Variants in POSTN observed in about 807,000 individuals in gnomAD.
The protein encoded by POSTN is periostin.
In POSTN, 71 loss-of-function variants were observed where a neutral mutation model predicts 104.5. The ratio of observed to expected loss-of-function variants is 0.68; its 90% CI spans 0.56 to 0.83. POSTN has a LOEUF of 0.83. POSTN is among the 40% of genes least tolerant of loss of function. The pLI is 0.00. For missense variants in POSTN, 949 were observed against 1,006.8 expected (o/e 0.94, Z 0.78); for synonymous variants, 355 against 340.7 (o/e 1.04, Z -0.46).
chr13:37,571,010 TTATTA>T, intron 18 of POSTN: 2 of 290,064 alleles, frequency 6.9e-6, no homozygotes. Flanking sequence ...GTGGAGTGGC[TTATTA>T]GACAGAGACT....
chr13:37,582,849 T>C (rs1478823447), intron 9 of POSTN, among the ~76,000 whole-genome samples: 1 of 152,184 alleles, frequency 6.6e-6, no homozygotes, highest in Non-Finnish European at 1.5e-5. Flanking sequence ...TAATTAGATA[T>C]CTGTTAGTCA....
chr13:37,570,754 T>C (rs2138183512), intron 18 of POSTN, 85 bp from the exon 19 acceptor site: 1 of 840,204 alleles, frequency 1.2e-6, no homozygotes, highest in African/African-American at 1.7e-5. Context: ...AATGATTAAC[T>C]ATATTTCTAC....
Position 37,569,354 on chromosome 13 carries a change from C to T in POSTN, c.2377G>A (p.Gly793Ser). 6.2e-7 allele frequency: 1 copy of T among 1,612,814 alleles called. No homozygotes were observed. The highest frequency in any genetic ancestry group is 1.1e-5 in the South Asian group (1 of 91,040). ...EVTKVTKFIE[G>S]GDGHLFEDEE... The stretch of plus-strand genomic sequence containing the variant: ...TCTTCAAATAAATGACCATCACCAC[C>T]TTCAATGAATTTGGTGACCTTGGTG... The change falls in exon 21 of 23, where the codon GGT becomes AGT. Residue 793 changes from glycine to serine, a missense_variant. Gly to Ser is a moderately conservative substitution (Grantham distance 56, BLOSUM62 0). Transcript: ENST00000379747.
At chr13:37,577,833 G>A (rs1323639233) in intron 15 of POSTN, 35 bp from the exon 16 acceptor site, 1 of 1,610,660 alleles carries the variant, frequency 6.2e-7, no homozygotes, top group Admixed American at 1.7e-5. Context: ...TAACATGAAA[G>A]GTGATAGTTG....
chr13:37,587,912 C>T lies in POSTN; in HGVS notation c.516G>A (p.Lys172=). ...LNALHSHMIN[K]RMLTKDLKNG... is the part of the protein sequence containing the mutation. ...TTTTTAAGTCCTTGGTCAACATTCTCTTATTAATCATGTGACTATGTAAAG... is the reference window on the plus strand; with the variant it reads ...TTTTTAAGTCCTTGGTCAACATTCTTTTATTAATCATGTGACTATGTAAAG... Residue 172 remains lysine, a synonymous_variant, in exon 5 of 23, where the codon AAG becomes AAA. Coordinates refer to ENST00000379747, the MANE Select transcript of POSTN (RefSeq NM_006475.3). The T allele has an allele frequency of 6.3e-7, 1 of 1,599,598 alleles. No homozygotes were observed. The highest frequency in any genetic ancestry group is 8.6e-7 in the Non-Finnish European group (1 of 1,167,276).
chr13:37,598,736 C>G lies in POSTN; in HGVS notation c.-10G>C. 6.2e-7 allele frequency: 1 copy of G among 1,611,876 alleles called. No homozygotes were observed. The highest frequency in any genetic ancestry group is 1.1e-5 in the South Asian group (1 of 90,906). ...GTAAAAAGGGAATCATCTTGAGTCT[C>G]TCCGTTGCAGTTAGTCCCCGAAGAG... On this transcript the variant is annotated 5_prime_UTR_variant, in exon 1 of 23. Coordinates refer to ENST00000379747, the MANE Select transcript of POSTN (RefSeq NM_006475.3).
chr13:37,592,755 T>A (rs1212326622), intron 2 of POSTN, among the ~76,000 whole-genome samples: 1 of 152,080 alleles, frequency 6.6e-6, no homozygotes, highest in Non-Finnish European at 1.5e-5. Flanking sequence ...TCAATAGGAG[T>A]CCCTGTTTCC....
intron 2 of POSTN, among the ~76,000 whole-genome samples, chr13:37,595,108 A>G (rs1002966919): frequency 6.6e-6 from 1 of 150,716 alleles, no homozygotes; most frequent in Non-Finnish European, 1.5e-5. Flanking sequence ...ACAAGCCTTG[A>G]CATCTCTCAT....
At chr13:37,581,006 A>G (rs1484398619) in intron 10 of POSTN, among the ~76,000 whole-genome samples, 1 of 152,116 alleles carries the variant, frequency 6.6e-6, no homozygotes, top group Non-Finnish European at 1.5e-5. Context: ...TCAGATTTGA[A>G]CTATTTCTCT....
rs928604543 is a variant in POSTN at position 37,580,427 on chromosome 13, A to C, written c.1529+134T>G. ...GAAAACATATATCAATTTTGAAAACACTTGTATGAACATTTTATTCTAAAT... is the reference window on the plus strand; with the variant it reads ...GAAAACATATATCAATTTTGAAAACCCTTGTATGAACATTTTATTCTAAAT... On this transcript the variant is annotated intron_variant, in intron 11 of 22. Coordinates refer to ENST00000379747, the MANE Select transcript of POSTN (RefSeq NM_006475.3). The C allele has an allele frequency of 6.3e-5, 63 of 1,003,570 alleles. 2 individuals carry two copies. The Admixed American group carries it at 6.5e-4, about 10-fold the overall frequency. The allele number at this position is 1,003,570 out of a possible 1,614,324, so 62.2% of individuals were successfully genotyped here.
chr13:37,592,781 G>C (rs1280945312), intron 2 of POSTN, among the ~76,000 whole-genome samples: 1 of 152,062 alleles, frequency 6.6e-6, no homozygotes, highest in African/African-American at 2.4e-5. Context: ...CATTTAACAT[G>C]AATATAGTAG....
chr13:37,583,902 A>G, intron 9 of POSTN, 67 bp downstream of exon 9: 1 of 1,543,530 alleles, frequency 6.5e-7, no homozygotes, highest in Non-Finnish European at 8.8e-7. Flanking sequence ...TTCTTATTGC[A>G]AACAATCATC....
Position 37,580,669 on chromosome 13 carries a change from T to C in POSTN, c.1421A>G (p.Glu474Gly). 6.2e-7 allele frequency: 1 copy of C among 1,614,072 alleles called. No individual in the cohort carries two copies. The change falls in exon 11 of 23, where the codon GAG becomes GGG. Residue 474 changes from glutamate (E) to glycine (G), a missense_variant. Transcript: ENST00000379747. Reference sequence around the variant, plus strand: ...GTTTCTCCCTTGCTTACTCCCTTTCTCCATGCATGAATTTTCAATGCAGAC... The same window carrying C: ...GTTTCTCCCTTGCTTACTCCCTTTCCCCATGCATGAATTTTCAATGCAGAC... ...TAVCIENSCM[E>G]KGSKQGRNGA... is the part of the protein sequence containing the mutation.
chr13:37,578,671 C>T (rs1246915205), intron 15 of POSTN, among the ~76,000 whole-genome samples, 173 bp downstream of exon 15: 1 of 151,258 alleles, frequency 6.6e-6, no homozygotes. Context: ...TGGTGGTGGG[C>T]GCCTGTAGTC....
intron 2 of POSTN, among the ~76,000 whole-genome samples, chr13:37,595,376 C>T (rs975589808): frequency 6.6e-6 from 1 of 152,150 alleles, no homozygotes; most frequent in Non-Finnish European, 1.5e-5. Context: ...GTGTGAATGA[C>T]TCACAAGTCT....
intron 21 of POSTN, chr13:37,568,758 TA>T (rs1236510647): frequency 6.6e-6 from 1 of 151,930 alleles, no homozygotes; most frequent in African/African-American, 2.4e-5. Flanking sequence ...AGATTAATTT[TA>T]TATGCAAAAT....
intron 1 of POSTN, among the ~76,000 whole-genome samples, chr13:37,598,392 A>G (rs555858745): frequency 6.6e-5 from 10 of 152,294 alleles, no homozygotes; most frequent in Non-Finnish European, 1.5e-4. Flanking sequence ...ATAAGAAAGC[A>G]ATTATATTCA....
chr13:37,597,224 A>G lies in POSTN; in HGVS notation c.178T>C (p.Cys60Arg), dbSNP rs1298376373. 2.5e-6 allele frequency: 4 copies of G among 1,584,286 alleles called. No homozygotes were observed. The highest frequency in any genetic ancestry group is 3.4e-6 in the Non-Finnish European group (4 of 1,169,506). ...LGTKKKYFST[C>R]KNWYKKSICG... ...ATGGACTTTTTATACCAGTTCTTAC[A>G]AGTGCTGAAGTATTTCTTTTTGGTG... Residue 60 changes from cysteine (C) to arginine (R), a missense_variant, in exon 2 of 23, where the codon TGT becomes CGT. Cys to Arg is a radical substitution (Grantham distance 180). Transcript: ENST00000379747.
chr13:37,584,046 G>C lies in POSTN; in HGVS notation c.1166C>G (p.Ala389Gly). The change falls in exon 9 of 23, where the codon GCC (alanine) becomes GGC (glycine). Residue 389 changes from alanine (A) to glycine (G), a missense_variant. By Grantham distance (60) the Ala-to-Gly change is moderately conservative. Transcript: ENST00000379747. The part of the protein sequence containing the change: ...KQQTTFTDLV[A>G]QLGLASALRP... ...CAGAGCAGATGCCAAGCCTAATTGG[G>C]CCACAAGATCCGTGAAGGTGGTTTG... The C allele has an allele frequency of 6.2e-7, 1 of 1,613,916 alleles. No individual in the cohort carries two copies. The highest frequency in any genetic ancestry group is 8.5e-7 in the Non-Finnish European group (1 of 1,179,936).
Sources: gnomAD v4.1 joint callset for allele counts (sites outside exome capture counted in the v4.1 genomes callset) on GRCh38, gnomAD v4.1.1 for gene constraint, MANE v1.5 for transcripts, NCBI Gene and HGNC (gene_info 2026-07-23, HGNC 2026-07-21) for gene names.